The following PRKN variants were observed in gnomAD, a reference collection of about 807,000 sequenced individuals.
The protein encoded by PRKN is E3 ubiquitin-protein ligase parkin.
In PRKN, 56 loss-of-function variants were observed where a neutral mutation model predicts 59.5. The observed-to-expected ratio is 0.94, with a 90% CI of 0.76 to 1.18. The LOEUF (loss-of-function observed/expected upper bound fraction) is 1.18, where lower values mean the gene tolerates loss of function less well. Ranked by LOEUF, PRKN falls within the 50% of genes most tolerant of loss-of-function variation. The probability of loss-of-function intolerance (pLI) is 0.00; values close to 1 mark genes in which losing one functional copy is unlikely to be tolerated. For missense variants in PRKN, 657 were observed against 596.4 expected, an observed-to-expected ratio of 1.10 and a Z score of -1.06; for synonymous variants, 250 against 222.1, an observed-to-expected ratio of 1.13 and a Z score of -1.12.
Position 161,962,027 on chromosome 6 carries a change from A to G in PRKN, c.734+11275T>C, listed in dbSNP as rs146191570. On this transcript the variant is annotated intron_variant, in intron 6 of 11. Transcript: ENST00000366898. ...CTGTGATGCAGAATGTGTCAAATTC[A>G]CAAGGAACAGAATGAACACACCACG... is the stretch of plus-strand genomic sequence containing the variant. Among the ~76,000 whole-genome samples, 10 of 152,308 alleles carry G rather than the reference A, an allele frequency of 6.6e-5. No individual in the cohort carries two copies. The East Asian group carries it at 1.7e-3, about 26-fold the overall frequency.
At chr6:161,368,224 C>T (rs1190046736) in intron 10 of PRKN, among the ~76,000 whole-genome samples, 5 of 143,790 alleles carry the variant, frequency 3.5e-5, no homozygotes, top group Admixed American at 1.4e-4. Context: ...GACCAGCCTG[C>T]GAAACATGGT....
chr6:162,117,159 T>C (rs1780708989), intron 4 of PRKN, among the ~76,000 whole-genome samples: 1 of 152,156 alleles, frequency 6.6e-6, no homozygotes, highest in Admixed American at 6.5e-5. Context: ...AAAAGCTTCT[T>C]AAAGTGGGAA....
intron 6 of PRKN, among the ~76,000 whole-genome samples, chr6:161,957,711 C>T (rs997092768): frequency 6.6e-6 from 1 of 152,154 alleles, no homozygotes; most frequent in Admixed American, 6.5e-5. Flanking sequence ...GCGTGAGTCA[C>T]CGCGCCCAGC....
chr6:161,767,380 G>A (rs904315507), intron 7 of PRKN, among the ~76,000 whole-genome samples: 9 of 152,194 alleles, frequency 5.9e-5, no homozygotes, highest in African/African-American at 1.2e-4. Flanking sequence ...AGTCGGGTGT[G>A]GTGGCGGGCG....
At chr6:162,006,024 T>A (rs768287675) in intron 5 of PRKN, among the ~76,000 whole-genome samples, 10 of 152,170 alleles carry the variant, frequency 6.6e-5, no homozygotes, top group Non-Finnish European at 1.2e-4. Flanking sequence ...TAAAAATTGC[T>A]ATCTTATTTG....
chr6:162,636,489 A>G (rs943401542), intron 1 of PRKN, among the ~76,000 whole-genome samples: 8 of 152,232 alleles, frequency 5.3e-5, no homozygotes, highest in Non-Finnish European at 7.3e-5. Context: ...GACTGAAGGT[A>G]ACATGCCTTG....
intron 6 of PRKN, among the ~76,000 whole-genome samples, chr6:161,835,832 C>T (rs928883929): frequency 6.6e-6 from 1 of 152,156 alleles, no homozygotes; most frequent in African/African-American, 2.4e-5. Flanking sequence ...TTTGCAAACA[C>T]GCTAACTGGT....
At chr6:161,774,382 G>GCACACACACACACA (rs3220723) in intron 7 of PRKN, among the ~76,000 whole-genome samples, 1 of 130,932 alleles carries the variant, frequency 7.6e-6, no homozygotes, top group Admixed American at 7.8e-5. Context: ...TACTCCCTGA[G>GCACACACACACACA]CACACACACA....
At chr6:162,572,036 T>C (rs544160003) in intron 1 of PRKN, among the ~76,000 whole-genome samples, 1 of 151,960 alleles carries the variant, frequency 6.6e-6, no homozygotes, top group Non-Finnish European at 1.5e-5. Context: ...GAACAATTAG[T>C]GTATCTTTGA....
chr6:162,170,917 T>G (rs1228393019), intron 4 of PRKN, among the ~76,000 whole-genome samples: 1 of 126,548 alleles, frequency 7.9e-6, no homozygotes, highest in Non-Finnish European at 1.7e-5. Flanking sequence ...GAAAGGTAAA[T>G]AAAAACAATC....
Position 161,883,507 on chromosome 6 carries a change from A to AG in PRKN, c.734+89794dup, listed in dbSNP as rs1347790313. Among the ~76,000 whole-genome samples, 384 of 93,438 alleles carry AG rather than the reference A, an allele frequency of 4.1e-3. 1 individual carries two copies. The highest frequency in any genetic ancestry group is 0.019 in the Middle Eastern group (4 of 212). The allele number at this position is 93,438 out of a possible 152,430, so 61.3% of individuals were successfully genotyped here. ...GACAAAGGGAAGGGAAGGGAAGGGA[A>AG]GGTGGGGAGGGGAGGGGAGGGCAGA... On this transcript the variant is annotated intron_variant, in intron 6 of 11. Transcript: ENST00000366898.
intron 4 of PRKN, among the ~76,000 whole-genome samples, chr6:162,119,265 A>G (rs1450544857): frequency 6.6e-6 from 1 of 152,190 alleles, no homozygotes; most frequent in Non-Finnish European, 1.5e-5. Context: ...CAATTGGCAC[A>G]AAGTCTACAG....
chr6:161,432,355 A>ATTTTTTTTTTTTTTTTTTTTTTTT (rs1188841520), intron 9 of PRKN, among the ~76,000 whole-genome samples: 1 of 92,184 alleles, frequency 1.1e-5, no homozygotes, highest in Non-Finnish European at 2.0e-5. Flanking sequence ...ACTTCCTCTG[A>ATTTTTTTTTTTTTTTTTTTTTTTT]TTTTTTTTTT....
rs114225574 is a variant in PRKN at position 161,682,259 on chromosome 6, T to A, written c.871+103513A>T. Among the ~76,000 whole-genome samples, 634 of 152,276 alleles carry A rather than the reference T, an allele frequency of 4.2e-3. 7 individuals carry two copies. Among genetic ancestry groups the A allele is most frequent in the African/African-American group, 0.014 (594 of 41,578 alleles). ...GGAAAAGGGCAACATCCAGAGATTTTTCGGATTCCATAGAGGCCTCCCTGA... is the reference window on the plus strand; with the variant it reads ...GGAAAAGGGCAACATCCAGAGATTTATCGGATTCCATAGAGGCCTCCCTGA... On this transcript the variant is annotated intron_variant, in intron 7 of 11. Transcript: ENST00000366898.
chr6:162,593,018 C>T (rs1008231929), intron 1 of PRKN, among the ~76,000 whole-genome samples: 4 of 151,988 alleles, frequency 2.6e-5, no homozygotes, highest in South Asian at 2.1e-4. Context: ...AAGGACACTA[C>T]GCGAAATGAT....
In PRKN at chr6:161,396,118, C is replaced by T. The variant is rs532410806; in HGVS notation, c.1084-9241G>A. Among the ~76,000 whole-genome samples the T allele has an allele frequency of 1.3e-5, 2 of 152,264 alleles. No homozygotes were observed. Among genetic ancestry groups the T allele is most frequent in the South Asian group, 2.1e-4 (1 of 4,822 alleles). ...CTGGGGTGGGAGTGCTGTATGCTCT[C>T]GGTCCCTAATCCCCCGCCTCTTTTC... On this transcript the variant is annotated intron_variant, in intron 9 of 11. Coordinates refer to ENST00000366898, the MANE Select transcript of PRKN (RefSeq NM_004562.3). The surrounding 1 kb of genome is among the most constrained non-coding windows in gnomAD (Gnocchi z 5.4).
intron 2 of PRKN, among the ~76,000 whole-genome samples, chr6:162,393,056 A>G (rs6938675): frequency 6.6e-6 from 1 of 151,774 alleles, no homozygotes; most frequent in Admixed American, 6.6e-5. Context: ...CTTTCACCCA[A>G]GCTGGCTCCA....
intron 1 of PRKN, among the ~76,000 whole-genome samples, chr6:162,525,124 G>A (rs1328679258): frequency 6.6e-6 from 1 of 152,070 alleles, no homozygotes; most frequent in African/African-American, 2.4e-5. Context: ...GCCCACACCT[G>A]GGCTCCAAGC....
chr6:161,712,872 G>T (rs909198982), intron 7 of PRKN, among the ~76,000 whole-genome samples: 1 of 152,088 alleles, frequency 6.6e-6, no homozygotes, highest in Admixed American at 6.6e-5. Flanking sequence ...AGATGGTGGT[G>T]GGGGGGACTT....
Sources: gnomAD v4.1 joint callset for allele counts (sites outside exome capture counted in the v4.1 genomes callset) on GRCh38, gnomAD v4.1.1 for gene constraint, Gnocchi (gnomAD v3.1) non-coding constraint, MANE v1.5 for transcripts, NCBI Gene and HGNC (gene_info 2026-07-23, HGNC 2026-07-21) for gene names.